MAOA: variants seen among roughly 807,000 people sequenced by gnomAD.
MAOA encodes monoamine oxidase A.
In MAOA, 6 loss-of-function variants were observed where a neutral mutation model predicts 42.0. The observed-to-expected ratio is 0.14, with a 90% CI of 0.08 to 0.28. The LOEUF is 0.28. Among genes scored for constraint, MAOA ranks in the 10% least tolerant of loss-of-function variants. The probability of loss-of-function intolerance (pLI) is 1.00; values close to 1 mark genes in which losing one functional copy is unlikely to be tolerated. For synonymous variants in MAOA, 140 were observed against 154.0 expected, an observed-to-expected ratio of 0.91 and a Z score of 0.67; for missense variants, 262 against 422.3, an observed-to-expected ratio of 0.62 and a Z score of 3.33.
chrX:43,683,696 T>A, intron 2 of MAOA, 89 bp downstream of exon 2: 1 of 754,172 alleles, frequency 1.3e-6, no homozygotes, highest in Non-Finnish European at 2.0e-6. Context: ...GAGGAGGTCT[T>A]AAGAGTTCAT....
intron 5 of MAOA, among the ~76,000 whole-genome samples, chrX:43,720,778 T>G (rs2033782658): frequency 9.8e-6 from 1 of 101,832 alleles, no homozygotes; most frequent in Non-Finnish European, 2.0e-5. Context: ...GAAGGTGGAA[T>G]TTGGTTGTGG....
intron 3 of MAOA, among the ~76,000 whole-genome samples, chrX:43,711,522 T>C (rs142655466): frequency 0.01 from 1,150 of 112,297 alleles, 17 homozygotes; most frequent in African/African-American, 0.035. Context: ...CTCAAGAGAT[T>C]AGATGGGAAT....
At chrX:43,665,663 G>T (rs1222622871) in intron 1 of MAOA, among the ~76,000 whole-genome samples, 3 of 111,896 alleles carry the variant, frequency 2.7e-5, no homozygotes, top group Non-Finnish European at 5.6e-5. Flanking sequence ...GCAAATTGAA[G>T]TTAATTGTTA....
chrX:43,736,476 G>T (rs910775392), intron 10 of MAOA, among the ~76,000 whole-genome samples, 196 bp downstream of exon 10: 6 of 111,332 alleles, frequency 5.4e-5, no homozygotes, highest in African/African-American at 2.0e-4. Flanking sequence ...AATTTTACAT[G>T]TTCGTGTTTA....
chrX:43,737,390 T>G (rs1228684774), intron 10 of MAOA, among the ~76,000 whole-genome samples: 1 of 111,984 alleles, frequency 8.9e-6, no homozygotes, highest in Non-Finnish European at 1.9e-5. Context: ...TGCCTGAAAC[T>G]GGGTAATTTA....
At chrX:43,691,244 A>T (rs976367750) in intron 2 of MAOA, among the ~76,000 whole-genome samples, 1 of 110,573 alleles carries the variant, frequency 9.0e-6, no homozygotes, top group Non-Finnish European at 1.9e-5. Context: ...GTGGTGGCAC[A>T]TGCCTGTGAT....
At chrX:43,725,320 T>C (rs2033823096) in intron 5 of MAOA, among the ~76,000 whole-genome samples, 1 of 111,926 alleles carries the variant, frequency 8.9e-6, no homozygotes, top group African/African-American at 3.2e-5. Context: ...TTTGTAGGTC[T>C]CTAAGAACTT....
At position 43,744,097 on chromosome X, in the gene MAOA, A is replaced by T; in HGVS notation, c.1375-12A>T. On this transcript the variant is annotated splice_polypyrimidine_tract_variant and intron_variant, in intron 13 of 14. Transcript: ENST00000338702. ...AGCCTCTTTTCATAATACCATGGTG[A>T]CTTTCTTTCAGGTCTTAAATGGTCT... The T allele has an allele frequency of 8.3e-7, 1 of 1,206,999 alleles. No homozygotes were observed. The highest frequency in any genetic ancestry group is 1.1e-6 in the Non-Finnish European group (1 of 891,681).
intron 3 of MAOA, among the ~76,000 whole-genome samples, chrX:43,708,467 C>T (rs1285843209): frequency 9.0e-6 from 1 of 110,647 alleles, no homozygotes; most frequent in East Asian, 2.8e-4. Context: ...TCTTCCAGGC[C>T]CCCCTACTGC....
In MAOA at chrX:43,691,383, A is replaced by T. The variant is rs778238238; in HGVS notation, c.169-1908A>T. Among the ~76,000 whole-genome samples, 14 of 111,231 alleles carry T rather than the reference A, an allele frequency of 1.3e-4. No homozygotes were observed. In the East Asian group the frequency reaches 3.4e-3, roughly 27 times the overall value. On this transcript the variant is annotated intron_variant, in intron 2 of 14. Coordinates refer to ENST00000338702, the MANE Select transcript of MAOA (RefSeq NM_000240.4). ...AGTAAGACCCTGTCTCAAAAAAAAA[A>T]AATAAAAATAAAAAAGATGAAAATG... is the stretch of plus-strand genomic sequence containing the variant.
At chrX:43,675,249 T>C (rs1205640958) in intron 1 of MAOA, among the ~76,000 whole-genome samples, 2 of 112,324 alleles carry the variant, frequency 1.8e-5, no homozygotes, top group Non-Finnish European at 3.8e-5. Context: ...CTGAGGCTTC[T>C]GCATTCTTCA....
rs1380746483 is a variant in MAOA, at chrX:43,701,505, G to T, written c.306+8077G>T. Among the ~76,000 whole-genome samples, 3 of 111,688 alleles carry T rather than the reference G, an allele frequency of 2.7e-5. No individual in the cohort carries two copies. The Admixed American group carries it at 2.9e-4, about 11-fold the overall frequency. On this transcript the variant is annotated intron_variant, in intron 3 of 14. Transcript: ENST00000338702. ...TAGCATTAAGTACATCCACATTGTT[G>T]TGCCACTGTCGCCACCATCCATCCA...
intron 1 of MAOA, among the ~76,000 whole-genome samples, chrX:43,668,090 G>A (rs1334756693): frequency 8.9e-6 from 1 of 111,876 alleles, no homozygotes; most frequent in African/African-American, 3.2e-5. Flanking sequence ...CAACAAGGTT[G>A]AATCACTTTA....
In MAOA at chrX:43,681,367, A is replaced by C. The variant is rs1320122045; in HGVS notation, c.74-2146A>C. ...GACTACAGGGTTACTACTTCATCTC[A>C]TCATTTTTTACATCTGAATTTCTTT... On this transcript the variant is annotated intron_variant, in intron 1 of 14. Coordinates refer to ENST00000338702, the MANE Select transcript of MAOA (RefSeq NM_000240.4). Among the ~76,000 whole-genome samples the C allele has an allele frequency of 4.5e-5, 5 of 111,104 alleles. No individual in the cohort carries two copies. The East Asian group carries it at 1.4e-3, about 31-fold the overall frequency.
chrX:43,681,923 C>T (rs1192987390), intron 1 of MAOA, among the ~76,000 whole-genome samples: 1 of 104,536 alleles, frequency 9.6e-6, no homozygotes, highest in African/African-American at 3.5e-5. Flanking sequence ...GCTCTGTTGC[C>T]CAGGCTGGAG....
At chrX:43,723,137 G>T (rs186013011) in intron 5 of MAOA, among the ~76,000 whole-genome samples, 77 of 111,705 alleles carry the variant, frequency 6.9e-4, no homozygotes, top group Admixed American at 1.7e-3. Flanking sequence ...CTCCAGCTTT[G>T]TCCTTTTTGC....
At chrX:43,658,807 G>A (rs1242445702) in intron 1 of MAOA, among the ~76,000 whole-genome samples, 2 of 111,871 alleles carry the variant, frequency 1.8e-5, no homozygotes, top group East Asian at 5.6e-4. Context: ...GAAAGTAGTT[G>A]CAAGTGTGGC....
intron 1 of MAOA, among the ~76,000 whole-genome samples, chrX:43,681,187 T>A (rs1209500567): frequency 9.0e-6 from 1 of 111,555 alleles, no homozygotes; most frequent in Non-Finnish European, 1.9e-5. Flanking sequence ...TGAGAATTGA[T>A]TTTTTAGAAA....
chrX:43,698,807 T>G lies in MAOA; in HGVS notation c.306+5379T>G, dbSNP rs995514859. The stretch of plus-strand genomic sequence containing the variant: ...TTCTACAGTGAGCAGCTTTTATGAA[T>G]TTTGTGAATTTGACATGCTTTTATT... On this transcript the variant is annotated intron_variant, in intron 3 of 14. Transcript: ENST00000338702. 2.7e-5 allele frequency among the ~76,000 whole-genome samples: 3 copies of G among 112,322 alleles called. No individual in the cohort carries two copies. In the Admixed American group the frequency reaches 2.8e-4, roughly 11 times the overall value.
Sources: allele counts gnomAD v4.1 joint callset (sites outside exome capture counted in the v4.1 genomes callset), GRCh38; gene constraint gnomAD v4.1.1; transcripts MANE v1.5; gene names NCBI Gene and HGNC (gene_info 2026-07-23, HGNC 2026-07-21).